The following IPCEF1 variants were observed in gnomAD, a reference collection of about 807,000 sequenced individuals.
IPCEF1 encodes the protein interactor protein for cytohesin exchange factors 1.
Under a neutral mutation model 50.9 loss-of-function variants are expected in IPCEF1, and 31 were observed. That is an observed-to-expected ratio of 0.61 (90% CI 0.46 to 0.82). The LOEUF is 0.82. Among genes scored for constraint, IPCEF1 ranks in the 40% least tolerant of loss-of-function variants. The pLI, the probability that IPCEF1 is intolerant of heterozygous loss-of-function variation, is 0.00. For missense variants in IPCEF1, 458 were observed against 514.0 expected (o/e 0.89, Z 1.05); for synonymous variants, 181 against 192.0 (o/e 0.94, Z 0.47).
At chr6:154,176,378 A>C (rs1369183932) in intron 10 of IPCEF1, among the ~76,000 whole-genome samples, 1 of 152,236 alleles carries the variant, frequency 6.6e-6, no homozygotes, top group Non-Finnish European at 1.5e-5. Context: ...AGAGGAGGTC[A>C]AATTGTCTTT....
chr6:154,171,945 A>G (rs1008986264), intron 10 of IPCEF1, among the ~76,000 whole-genome samples: 1 of 152,218 alleles, frequency 6.6e-6, no homozygotes, highest in African/African-American at 2.4e-5. Context: ...TTTTGAATTA[A>G]GGAATATATG....
intron 1 of IPCEF1, among the ~76,000 whole-genome samples, chr6:154,303,618 C>A (rs1010760180): frequency 6.7e-5 from 8 of 119,478 alleles, no homozygotes; most frequent in East Asian, 6.4e-4. Context: ...ACAACTATTG[C>A]CCTACTCTTA....
chr6:154,344,032 G>A (rs989274901), intron 1 of IPCEF1, among the ~76,000 whole-genome samples: 1 of 152,190 alleles, frequency 6.6e-6, no homozygotes, highest in Admixed American at 6.5e-5. Flanking sequence ...TGAATGACAT[G>A]CCTAGTCAAA....
intron 9 of IPCEF1, among the ~76,000 whole-genome samples, chr6:154,202,884 C>A (rs939792514): frequency 3.3e-5 from 5 of 151,946 alleles, no homozygotes; most frequent in East Asian, 1.9e-4. Flanking sequence ...AGAAGAAACA[C>A]GAAGACTTGG....
Position 154,219,985 on chromosome 6 carries a change from A to AGTGTGTGTGTGTGT in IPCEF1, c.392+1258_392+1271dup, listed in dbSNP as rs57450665. On this transcript the variant is annotated intron_variant, in intron 7 of 11. Coordinates refer to ENST00000367220, the MANE Select transcript of IPCEF1 (RefSeq NM_001130700.2). ...CAGAGCTGAGCGGATACCTGTAAGGAGTGTGTGTGTGTGTGTGTGTGTGTG... is the reference window on the plus strand; with the variant it reads ...CAGAGCTGAGCGGATACCTGTAAGGAGTGTGTGTGTGTGTGTGTGTGTGTGTGTGTGTGTGTGTG... 2.2e-3 allele frequency among the ~76,000 whole-genome samples: 304 copies of AGTGTGTGTGTGTGT among 140,136 alleles called. 2 individuals carry two copies. The highest frequency in any genetic ancestry group is 7.2e-3 in the Middle Eastern group (2 of 276). 91.9% of individuals were successfully genotyped at this position (140,136 alleles called of 152,430 possible). A position where few individuals can be genotyped will look rare whatever the true frequency, so the allele number is the denominator to read the frequency against.
intron 7 of IPCEF1, 142 bp from the exon 8 acceptor site, chr6:154,214,418 T>A: frequency 1.4e-6 from 1 of 701,678 alleles, no homozygotes; most frequent in Admixed American, 2.2e-5. Flanking sequence ...GTTTGTGCCA[T>A]CGAAACCTAA....
At position 154,289,388 on chromosome 6, in the gene IPCEF1, AC is replaced by A. The variant is rs201103568; in HGVS notation, c.-18+324del. Among the ~76,000 whole-genome samples, 730 of 145,102 alleles carry A rather than the reference AC, an allele frequency of 5.0e-3. 9 individuals carry two copies. Among genetic ancestry groups the A allele is most frequent in the African/African-American group, 0.019 (711 of 37,852 alleles). ...AAACATGCAATTGCTTGTAAAATAG[AC>A]TCTTCACATAATTATAGTTATAAAG... On this transcript the variant is annotated intron_variant, in intron 2 of 11. Transcript: ENST00000367220.
chr6:154,352,723 G>A (rs1326991593), intron 1 of IPCEF1, among the ~76,000 whole-genome samples: 1 of 152,290 alleles, frequency 6.6e-6, no homozygotes, highest in East Asian at 1.9e-4. Flanking sequence ...ACTCCATGGT[G>A]ACCTGCTGGC....
At chr6:154,176,683 TAGA>T (rs1232937503) in intron 10 of IPCEF1, among the ~76,000 whole-genome samples, 2 of 152,102 alleles carry the variant, frequency 1.3e-5, no homozygotes, top group African/African-American at 4.8e-5. Context: ...CACAAACAAA[TAGA>T]AGAACATTCC....
chr6:154,340,711 C>A (rs540295588), intron 1 of IPCEF1, among the ~76,000 whole-genome samples: 1 of 151,744 alleles, frequency 6.6e-6, no homozygotes, highest in Admixed American at 6.6e-5. Context: ...CATGGAGAAA[C>A]CCTGTCTCTA....
chr6:154,293,032 A>T (rs568014376), intron 1 of IPCEF1, among the ~76,000 whole-genome samples: 51 of 152,322 alleles, frequency 3.3e-4, no homozygotes, highest in Non-Finnish European at 6.2e-4. Flanking sequence ...TTTCCAGCAT[A>T]TTAAATTAGG....
chr6:154,335,679 A>C (rs1195138967), intron 1 of IPCEF1, among the ~76,000 whole-genome samples: 1 of 152,216 alleles, frequency 6.6e-6, no homozygotes, highest in Non-Finnish European at 1.5e-5. Flanking sequence ...TCAAAAAAAT[A>C]AATAAGTAAA....
intron 3 of IPCEF1, among the ~76,000 whole-genome samples, chr6:154,248,721 ACT>A (rs896080609): frequency 2.0e-5 from 3 of 151,964 alleles, no homozygotes; most frequent in African/African-American, 7.3e-5. Flanking sequence ...AGAAAATAGC[ACT>A]CTCTGAATCT....
At chr6:154,185,739 C>A (rs749678993) in intron 10 of IPCEF1, among the ~76,000 whole-genome samples, 1 of 152,144 alleles carries the variant, frequency 6.6e-6, no homozygotes, top group Non-Finnish European at 1.5e-5. Flanking sequence ...TTGGGCTACA[C>A]ATAAAATACA....
chr6:154,210,476 C>T (rs762965228), intron 9 of IPCEF1, among the ~76,000 whole-genome samples: 3 of 152,092 alleles, frequency 2.0e-5, no homozygotes, highest in Non-Finnish European at 4.4e-5. Flanking sequence ...ACATAATCCT[C>T]TCTTAAATCA....
At chr6:154,314,826 G>C (rs1409587511) in intron 1 of IPCEF1, among the ~76,000 whole-genome samples, 2 of 151,138 alleles carry the variant, frequency 1.3e-5, no homozygotes, top group Non-Finnish European at 2.9e-5. Flanking sequence ...ATAGAAAGAG[G>C]TTCCTTTCCC....
chr6:154,304,987 G>A (rs1237863733), intron 1 of IPCEF1, among the ~76,000 whole-genome samples: 2 of 152,086 alleles, frequency 1.3e-5, no homozygotes, highest in African/African-American at 4.8e-5. Flanking sequence ...AGTGGCGCAT[G>A]CCTGTAATCC....
intron 10 of IPCEF1, among the ~76,000 whole-genome samples, chr6:154,173,824 C>A (rs1800072406): frequency 1.3e-5 from 2 of 152,110 alleles, no homozygotes; most frequent in African/African-American, 4.8e-5. Flanking sequence ...ACAGAGAACG[C>A]CACAAAGATA....
chr6:154,266,710 C>T (rs1315276716), intron 2 of IPCEF1, among the ~76,000 whole-genome samples: 1 of 151,910 alleles, frequency 6.6e-6, no homozygotes, highest in Non-Finnish European at 1.5e-5. Flanking sequence ...TAGCTAACTC[C>T]CCTGCCTCTG....
Sources: gnomAD v4.1 joint callset for allele counts (sites outside exome capture counted in the v4.1 genomes callset) on GRCh38, gnomAD v4.1.1 for gene constraint, MANE v1.5 for transcripts, NCBI Gene and HGNC (gene_info 2026-07-23, HGNC 2026-07-21) for gene names.